The following LYST variants were observed in gnomAD, a reference collection of about 807,000 sequenced individuals.
The protein encoded by LYST is lysosomal trafficking regulator, also known as lysosomal-trafficking regulator.
LYST carries 192 observed loss-of-function variants against 413.6 expected under a neutral mutation model. The ratio of observed to expected loss-of-function variants is 0.46; its 90% CI spans 0.41 to 0.52. The LOEUF (loss-of-function observed/expected upper bound fraction) is 0.52. LYST is among the 20% of genes least tolerant of loss of function. The pLI, the probability that LYST is intolerant of heterozygous loss-of-function variation, is 0.00. For missense variants in LYST, 3,815 were observed against 4,499.9 expected, an observed-to-expected ratio of 0.85 and a Z score of 4.35; for synonymous variants, 1,525 against 1,567.3, an observed-to-expected ratio of 0.97 and a Z score of 0.64.
At position 235,830,335 on chromosome 1, in the gene LYST, T is replaced by C. The variant is rs887494891; in HGVS notation, c.83A>G (p.Glu28Gly). The change falls in exon 3 of 53, where the codon GAG (glutamate) becomes GGG (glycine). Residue 28 changes from glutamate (E) to glycine (G), a missense_variant. By Grantham distance (98) the Glu-to-Gly change is moderately conservative. Around this residue, in one of 4 missense-constraint regions of LYST, gnomAD observed 1,648 missense variants for 1,810.3 expected, o/e 0.91. Transcript: ENST00000389793. ...CTCCTCCTCTTCTTCCTCCCTGGCC[T>C]CCACCCTCTGGACCACTGCATTGCA... ...RLCNAVVQRV[E>G]AREEEEEETH... The C allele has an allele frequency of 6.2e-6, 10 of 1,613,672 alleles. No individual in the cohort carries two copies. The African/African-American group carries it at 6.7e-5, about 11-fold the overall frequency.
rs1660835275 is a variant in LYST at position 235,693,434 on chromosome 1, C to G, written c.10617G>C (p.Trp3539Cys). Reference protein sequence around the residue: ...TDIQWSAILSWGYADNILRLK... With the variant: ...TDIQWSAILSCGYADNILRLK... ...ACCTTAAAATATTATCAGCATATCC[C>G]CAGCTCAGGATGGCTGACCACTGAA... Residue 3539 changes from tryptophan (W) to cysteine (C), a missense_variant, in exon 47 of 53, where the codon TGG becomes TGC. Coordinates refer to ENST00000389793, the MANE Select transcript of LYST (RefSeq NM_000081.4). 6.2e-7 allele frequency: 1 copy of G among 1,612,872 alleles called. No individual in the cohort carries two copies. Among genetic ancestry groups the G allele is most frequent in the South Asian group, 1.1e-5 (1 of 91,074 alleles).
chr1:235,849,940 G>A (rs889286409), intron 1 of LYST, among the ~76,000 whole-genome samples: 3 of 151,962 alleles, frequency 2.0e-5, no homozygotes, highest in African/African-American at 7.2e-5. Flanking sequence ...TTGTGAAAAT[G>A]ACTATACTGC....
In LYST at chr1:235,720,674, G is replaced by C. The variant is rs769753019; in HGVS notation, c.9547C>G (p.Leu3183Val). 1 of 1,613,524 alleles carries C rather than the reference G, an allele frequency of 6.2e-7. No individual in the cohort carries two copies. The highest frequency in any genetic ancestry group is 8.5e-7 in the Non-Finnish European group (1 of 1,179,502). The change falls in exon 40 of 53, where the codon CTG (leucine) becomes GTG (valine). Residue 3183 changes from leucine (L) to valine (V), a missense_variant. Coordinates refer to ENST00000389793, the MANE Select transcript of LYST (RefSeq NM_000081.4). ...CTTTTAACTTACCTGTATATCAACAGATCATTGAGGTCAAGTGTCTCACTA... is the reference window on the plus strand; with the variant it reads ...CTTTTAACTTACCTGTATATCAACACATCATTGAGGTCAAGTGTCTCACTA... Reference protein sequence around the residue: ...YVSETLDLNDLLIYRNLSKPI... With the variant: ...YVSETLDLNDVLIYRNLSKPI...
chr1:235,816,923 C>A (rs1674181288), intron 3 of LYST, among the ~76,000 whole-genome samples: 1 of 152,192 alleles, frequency 6.6e-6, no homozygotes, highest in Admixed American at 6.5e-5. Context: ...AAACTATCAA[C>A]AGAGTAAACA....
intron 6 of LYST, among the ~76,000 whole-genome samples, chr1:235,805,068 C>G (rs978277618): frequency 6.6e-6 from 1 of 152,050 alleles, no homozygotes; most frequent in Non-Finnish European, 1.5e-5. Flanking sequence ...GTAGGAAGAG[C>G]CTGTTGGCTG....
At position 235,794,272 on chromosome 1, in the gene LYST, G is replaced by A. The variant is rs202235200; in HGVS notation, c.4007-660C>T. 1.2e-4 allele frequency among the ~76,000 whole-genome samples: 18 copies of A among 152,272 alleles called. No individual in the cohort carries two copies. The East Asian group carries it at 3.1e-3, about 26-fold the overall frequency. ...TAGTCTGCTATCTTATCTTGAAAAT[G>A]TTTAAATTATATCTATCACTTTTTA... On this transcript the variant is annotated intron_variant, in intron 10 of 52. Transcript: ENST00000389793.
intron 17 of LYST, among the ~76,000 whole-genome samples, chr1:235,776,554 T>C (rs1278473230): frequency 1.3e-5 from 2 of 152,146 alleles, no homozygotes; most frequent in African/African-American, 2.4e-5. Context: ...ATCCCTGAAA[T>C]AGTCTATAAT....
At chr1:235,741,048 T>C (rs1665353266) in intron 31 of LYST, among the ~76,000 whole-genome samples, 1 of 152,234 alleles carries the variant, frequency 6.6e-6, no homozygotes, top group Admixed American at 6.5e-5. Context: ...TTTTGAGATA[T>C]GTTATATATA....
Position 235,805,726 on chromosome 1 carries a change from T to A in LYST, c.3393+17A>T. 6.3e-7 allele frequency: 1 copy of A among 1,583,192 alleles called. No homozygotes were observed. Among genetic ancestry groups the A allele is most frequent in the Non-Finnish European group, 8.7e-7 (1 of 1,153,146 alleles). ...TATATATATTACATAAGAGTTGGAC[T>A]AAGGACAAGGTATTACCTGATTAGG... On this transcript the variant is annotated intron_variant, in intron 6 of 52. Coordinates refer to ENST00000389793, the MANE Select transcript of LYST (RefSeq NM_000081.4).
At chr1:235,872,806 C>T (rs1027045485) in intron 1 of LYST, among the ~76,000 whole-genome samples, 2 of 152,074 alleles carry the variant, frequency 1.3e-5, no homozygotes. Context: ...GTCCCAGCTA[C>T]TCAGGAGGCT....
chr1:235,762,930 T>A, intron 21 of LYST, 79 bp from the exon 22 acceptor site: 2 of 1,060,654 alleles, frequency 1.9e-6, no homozygotes, highest in Non-Finnish European at 2.9e-6. Flanking sequence ...AGCAGATCAT[T>A]AAATTCAAAT....
intron 26 of LYST, 121 bp from the exon 27 acceptor site, chr1:235,752,292 T>A: frequency 1.5e-6 from 1 of 688,638 alleles, no homozygotes; most frequent in Non-Finnish European, 2.5e-6. Context: ...CACTCATTCA[T>A]GCAGTCATTC....
chr1:235,871,750 T>C (rs1211127588), upstream of LYST, among the ~76,000 whole-genome samples: 1 of 152,226 alleles, frequency 6.6e-6, no homozygotes, highest in Non-Finnish European at 1.5e-5. Context: ...AACTTCACTA[T>C]ACTCTGCAGC....
rs1490762523 is a variant in LYST, at chr1:235,771,928, T to G, written c.5785-1631A>C. 3.4e-3 allele frequency among the ~76,000 whole-genome samples: 492 copies of G among 146,756 alleles called. 2 individuals carry two copies. The highest frequency in any genetic ancestry group is 6.8e-3 in the Middle Eastern group (2 of 292). ...AGGTTTTTTAGTTTGTTTTTTTTTT[T>G]TTTTTTTTTTTTGGCCAGGCATGGG... On this transcript the variant is annotated intron_variant, in intron 19 of 52. Coordinates refer to ENST00000389793, the MANE Select transcript of LYST (RefSeq NM_000081.4).
At chr1:235,712,843 G>C in intron 42 of LYST, 1 of 984,964 alleles carries the variant, frequency 1.0e-6, no homozygotes, top group Non-Finnish European at 1.2e-6. Context: ...TAATAATAAA[G>C]AATTAAGTTT....
At chr1:235,776,063 G>A (rs1311306557) in intron 17 of LYST, among the ~76,000 whole-genome samples, 1 of 152,110 alleles carries the variant, frequency 6.6e-6, no homozygotes, top group African/African-American at 2.4e-5. Context: ...ATACCTTGAT[G>A]AAAGAGAAGA....
At chr1:235,757,885 T>TG (rs528465654) in intron 23 of LYST, among the ~76,000 whole-genome samples, 2 of 132,486 alleles carry the variant, frequency 1.5e-5, no homozygotes, top group Non-Finnish European at 3.0e-5. Flanking sequence ...TTGGAAATGT[T>TG]TTTTTTTTTT....
rs1658285914 is a variant in LYST at position 235,664,650 on chromosome 1, A to G, written c.11039-29T>C. ...AAACACCCAAATCATCCGGCGGGTTACCAGAATGTGGCTGTCTCAGAGCCC... is the reference window on the plus strand; with the variant it reads ...AAACACCCAAATCATCCGGCGGGTTGCCAGAATGTGGCTGTCTCAGAGCCC... On this transcript the variant is annotated intron_variant, in intron 50 of 52. Coordinates refer to ENST00000389793, the MANE Select transcript of LYST (RefSeq NM_000081.4). This position sits in a 1 kb window ranked among gnomAD's most constrained non-coding sequence, Gnocchi z 4.5. 3.1e-6 allele frequency: 5 copies of G among 1,613,528 alleles called. No individual in the cohort carries two copies. The highest frequency in any genetic ancestry group is 4.2e-6 in the Non-Finnish European group (5 of 1,179,666).
chr1:235,844,709 T>G (rs1019965053), intron 1 of LYST, among the ~76,000 whole-genome samples: 3 of 140,942 alleles, frequency 2.1e-5, no homozygotes, highest in African/African-American at 5.3e-5. Flanking sequence ...CTTTTTAGAC[T>G]ACAACACAGA....
Sources: gnomAD v4.1 joint callset for allele counts (sites outside exome capture counted in the v4.1 genomes callset) on GRCh38, gnomAD v4.1.1 for gene constraint, gnomAD v4.1.1 regional missense constraint, Gnocchi (gnomAD v3.1) non-coding constraint, MANE v1.5 for transcripts, NCBI Gene and HGNC (gene_info 2026-07-23, HGNC 2026-07-21) for gene names.